SLC6A5: variants seen among roughly 807,000 people sequenced by gnomAD.
The protein encoded by SLC6A5 is solute carrier family 6 member 5.
Under a neutral mutation model 90.5 loss-of-function variants are expected in SLC6A5, and 58 were observed. The ratio of observed to expected loss-of-function variants is 0.64; its 90% CI spans 0.52 to 0.80. SLC6A5 has a LOEUF of 0.80. Among genes scored for constraint, SLC6A5 ranks in the 30% least tolerant of loss-of-function variants. The pLI, the probability that SLC6A5 is intolerant of heterozygous loss-of-function variation, is 0.00. For missense variants in SLC6A5, 1,015 were observed against 1,017.6 expected (o/e 1.00, Z 0.03); for synonymous variants, 427 against 401.4 (o/e 1.06, Z -0.76).
In SLC6A5 at chr11:20,655,195, A is replaced by G. The variant is rs545599472; in HGVS notation, c.*327A>G. The G allele has an allele frequency of 2.6e-6, 1 of 379,580 alleles. No individual in the cohort carries two copies. Among genetic ancestry groups the G allele is most frequent in the Non-Finnish European group, 5.1e-6 (1 of 196,540 alleles). The allele number at this position is 379,580 out of a possible 1,614,324, so 23.5% of individuals were successfully genotyped here. Reference sequence around the variant, plus strand: ...TGCGTGGTTTTGTCAATAGAGAGGTATCCACTGTGTGATGGCATGGGGGGT... The same window carrying G: ...TGCGTGGTTTTGTCAATAGAGAGGTGTCCACTGTGTGATGGCATGGGGGGT... On this transcript the variant is annotated 3_prime_UTR_variant, in exon 16 of 16. Transcript: ENST00000525748.
At position 20,601,667 on chromosome 11, in the gene SLC6A5, T is replaced by A. The variant is rs769717399; in HGVS notation, c.540+2T>A. 8 of 1,613,100 alleles carry A rather than the reference T, an allele frequency of 5.0e-6. 1 individual carries two copies. In the South Asian group the frequency reaches 8.8e-5, roughly 18 times the overall value. ...AGCGTGGCCACCGTTGCCACCCAGG[T>A]AAGCAGGTTGCATTACGGCCCGCAC... On this transcript the variant is annotated splice_donor_variant, in intron 2 of 15. Transcript: ENST00000525748. LOFTEE classifies it high-confidence loss of function.
chr11:20,614,050 G>A lies in SLC6A5; in HGVS notation c.986-629G>A, dbSNP rs3781746. Among the ~76,000 whole-genome samples the A allele has an allele frequency of 0.027, 4,065 of 152,184 alleles. 430 individuals are homozygous for A. In the East Asian group the frequency reaches 0.35, roughly 13 times the overall value. ...TGTCACAGGATCCCCGGTAGACGGC[G>A]TGGTTGCTGCCTCTGCTTACCCACG... On this transcript the variant is annotated intron_variant, in intron 5 of 15. Transcript: ENST00000525748.
At chr11:20,629,855 G>A (rs1431239849) in intron 9 of SLC6A5, among the ~76,000 whole-genome samples, 1 of 151,914 alleles carries the variant, frequency 6.6e-6, no homozygotes, top group Non-Finnish European at 1.5e-5. Flanking sequence ...TGGGATTGCG[G>A]GCATGTGCCA....
At chr11:20,631,577 G>T (rs2133803891) in intron 10 of SLC6A5, among the ~76,000 whole-genome samples, 1 of 152,302 alleles carries the variant, frequency 6.6e-6, no homozygotes, top group South Asian at 2.1e-4. Context: ...CACCCAGCCT[G>T]GTTCCACAAA....
chr11:20,651,466 G>C (rs1049627861), intron 14 of SLC6A5, among the ~76,000 whole-genome samples: 1 of 151,088 alleles, frequency 6.6e-6, no homozygotes, highest in Admixed American at 6.6e-5. Flanking sequence ...TTGAGATGGG[G>C]TTTGACCATG....
At position 20,601,248 on chromosome 11, in the gene SLC6A5, C is replaced by A. The variant is rs1042714665; in HGVS notation, c.123C>A (p.Pro41=). Residue 41 remains proline, a synonymous_variant, in exon 2 of 16, where the codon CCC becomes CCA. Transcript: ENST00000525748. Reference sequence around the variant, plus strand: ...GGACGAGCCCGGAGCAGGAGCTTCCCGCGGCTGCCGCCCCGCCGCCGCCAC... The same window carrying A: ...GGACGAGCCCGGAGCAGGAGCTTCCAGCGGCTGCCGCCCCGCCGCCGCCAC... ...APRTSPEQEL[P]AAAAPPPPRV... The A allele has an allele frequency of 3.0e-5, 47 of 1,582,986 alleles. No homozygotes were observed. Among genetic ancestry groups the A allele is most frequent in the Non-Finnish European group, 3.8e-5 (44 of 1,172,356 alleles).
At chr11:20,606,801 G>A (rs1340975220) in intron 3 of SLC6A5, among the ~76,000 whole-genome samples, 3 of 152,138 alleles carry the variant, frequency 2.0e-5, no homozygotes, top group African/African-American at 7.2e-5. Flanking sequence ...TATTTGCATG[G>A]GTACCCTTAT....
chr11:20,626,661 C>T, intron 7 of SLC6A5, 47 bp from the exon 8 acceptor site: 1 of 1,610,392 alleles, frequency 6.2e-7, no homozygotes, highest in Non-Finnish European at 8.5e-7. Context: ...CACAGGTGCA[C>T]TCTGCAGGGC....
chr11:20,603,027 A>T (rs1264162452), intron 2 of SLC6A5, among the ~76,000 whole-genome samples: 1 of 152,058 alleles, frequency 6.6e-6, no homozygotes, highest in African/African-American at 2.4e-5. Flanking sequence ...TAGAGGGAGG[A>T]TGTTAAAGAT....
At chr11:20,603,279 G>T (rs536927462) in intron 2 of SLC6A5, among the ~76,000 whole-genome samples, 2 of 152,292 alleles carry the variant, frequency 1.3e-5, no homozygotes, top group African/African-American at 4.8e-5. Context: ...CAGTGTCTAG[G>T]TGTCCTGAAC....
intron 14 of SLC6A5, among the ~76,000 whole-genome samples, chr11:20,648,662 C>T (rs1038318297): frequency 6.6e-6 from 1 of 152,194 alleles, no homozygotes; most frequent in Non-Finnish European, 1.5e-5. Context: ...TTGCCCTCTT[C>T]CCCGGATCCT....
At chr11:20,639,137 A>T (rs530169518) in intron 13 of SLC6A5, among the ~76,000 whole-genome samples, 1 of 152,284 alleles carries the variant, frequency 6.6e-6, no homozygotes, top group South Asian at 2.1e-4. Flanking sequence ...CAGTGGGGCC[A>T]TTATCAACAA....
rs773407206 is a variant in SLC6A5, at chr11:20,654,913, C to T, written c.*45C>T. ...CCAGACTTGATCCTGTTTTTCCTCTCTGCCTCCTCCTAATGTTTTCCATAG... is the reference window on the plus strand; with the variant it reads ...CCAGACTTGATCCTGTTTTTCCTCTTTGCCTCCTCCTAATGTTTTCCATAG... On this transcript the variant is annotated 3_prime_UTR_variant, in exon 16 of 16. Transcript: ENST00000525748. 2 of 1,578,246 alleles carry T rather than the reference C, an allele frequency of 1.3e-6. No individual in the cohort carries two copies. The highest frequency in any genetic ancestry group is 3.3e-5 in the Admixed American group (2 of 59,996).
intron 1 of SLC6A5, among the ~76,000 whole-genome samples, chr11:20,600,364 A>G (rs1293073472): frequency 1.3e-5 from 2 of 148,428 alleles, no homozygotes; most frequent in Non-Finnish European, 3.0e-5. Context: ...GAAGAAGAAG[A>G]AGAAGAAGAA....
intron 14 of SLC6A5, among the ~76,000 whole-genome samples, chr11:20,650,627 G>C (rs1853506742): frequency 6.7e-6 from 1 of 150,100 alleles, no homozygotes; most frequent in Non-Finnish European, 1.5e-5. Flanking sequence ...CCGGGGTCAC[G>C]GCTCACCACT....
At chr11:20,640,684 T>C (rs1368656584) in intron 13 of SLC6A5, among the ~76,000 whole-genome samples, 1 of 107,440 alleles carries the variant, frequency 9.3e-6, no homozygotes. Flanking sequence ...TAAGCTAACA[T>C]GACTGTTTGA....
In SLC6A5 at chr11:20,652,063, G is replaced by A. The variant is rs72932996; in HGVS notation, c.2071-226G>A. Among the ~76,000 whole-genome samples the A allele has an allele frequency of 5.1e-3, 782 of 152,056 alleles. 9 individuals are homozygous for A. Among genetic ancestry groups the A allele is most frequent in the African/African-American group, 0.018 (726 of 41,476 alleles). On this transcript the variant is annotated intron_variant, in intron 14 of 15. Transcript: ENST00000525748. ...TATACACATGCACACATATTGCTCC[G>A]CTCCCATGGTTTGGCAAATGCAGAG...
chr11:20,613,526 A>T (rs1490306031), intron 5 of SLC6A5, among the ~76,000 whole-genome samples: 2 of 152,128 alleles, frequency 1.3e-5, no homozygotes, highest in African/African-American at 4.8e-5. Context: ...TTCATGAGAT[A>T]ATCATTAAAG....
At chr11:20,652,716 G>A (rs994842710) in intron 15 of SLC6A5, among the ~76,000 whole-genome samples, 1 of 152,112 alleles carries the variant, frequency 6.6e-6, no homozygotes, top group Admixed American at 6.6e-5. Context: ...ATAAATGATC[G>A]GAGGGTCTCC....
Sources: gnomAD v4.1 joint callset for allele counts (sites outside exome capture counted in the v4.1 genomes callset) on GRCh38, gnomAD v4.1.1 for gene constraint, MANE v1.5 for transcripts, NCBI Gene and HGNC (gene_info 2026-07-23, HGNC 2026-07-21) for gene names.